Variants in STAT3 observed in about 807,000 individuals in gnomAD.
The protein encoded by STAT3 is signal transducer and activator of transcription 3.
Under a neutral mutation model 114.3 loss-of-function variants are expected in STAT3, and 7 were observed. The ratio of observed to expected loss-of-function variants is 0.06; its 90% CI spans 0.03 to 0.11. The LOEUF is 0.11. Ranked by LOEUF, STAT3 falls within the 10% of genes least tolerant of loss-of-function variation. The pLI is 1.00. For missense variants in STAT3, 364 were observed against 960.9 expected (o/e 0.38, Z 8.21); for synonymous variants, 331 against 354.5 (o/e 0.93, Z 0.74).
intron 1 of STAT3, among the ~76,000 whole-genome samples, chr17:42,362,593 T>C (rs775120773): frequency 6.6e-6 from 1 of 152,252 alleles, no homozygotes; most frequent in Non-Finnish European, 1.5e-5. Flanking sequence ...TTCCACCACT[T>C]CGATCACTTA....
At chr17:42,326,245 T>C (rs1350114870) in intron 14 of STAT3, 46 bp from the exon 15 acceptor site, 1 of 1,568,758 alleles carries the variant, frequency 6.4e-7, no homozygotes, top group Non-Finnish European at 8.8e-7. Flanking sequence ...TGGTGGCTCA[T>C]GCCTGTAATC....
chr17:42,336,731 CTGA>C (rs1234622176), intron 8 of STAT3, among the ~76,000 whole-genome samples: 3 of 151,898 alleles, frequency 2.0e-5, no homozygotes, highest in African/African-American at 7.3e-5. Context: ...ACTAGTACTG[CTGA>C]TGATTTCATT....
At chr17:42,331,411 G>A (rs371529853) in intron 11 of STAT3, 61 bp downstream of exon 11, 53 of 1,431,310 alleles carry the variant, frequency 3.7e-5, no homozygotes, top group Non-Finnish European at 4.7e-5. Flanking sequence ...AATGATGTCT[G>A]TCAAAGTTCT....
At chr17:42,372,883 A>T (rs2084233696) in intron 1 of STAT3, among the ~76,000 whole-genome samples, 1 of 152,070 alleles carries the variant, frequency 6.6e-6, no homozygotes, top group African/African-American at 2.4e-5. Context: ...ATAGAAATAA[A>T]ATAAACTCAG....
At chr17:42,339,526 C>A in intron 4 of STAT3, 117 bp from the exon 5 acceptor site, 1 of 971,480 alleles carries the variant, frequency 1.0e-6, no homozygotes, top group Non-Finnish European at 1.6e-6. Flanking sequence ...ACGCTGCTGC[C>A]ATCACAAGAG....
intron 1 of STAT3, among the ~76,000 whole-genome samples, chr17:42,373,327 G>C (rs2084263557): frequency 6.6e-6 from 1 of 151,474 alleles, no homozygotes; most frequent in Admixed American, 6.6e-5. Context: ...TCCAGCCTGG[G>C]CAAAAAGAGT....
intron 1 of STAT3, among the ~76,000 whole-genome samples, chr17:42,359,304 G>C (rs2083393077): frequency 6.6e-6 from 1 of 152,110 alleles, no homozygotes; most frequent in Non-Finnish European, 1.5e-5. Flanking sequence ...AGATTCACTA[G>C]GGGTTAAGTG....
intron 1 of STAT3, among the ~76,000 whole-genome samples, chr17:42,378,672 AT>A (rs2084608953): frequency 6.6e-6 from 1 of 152,238 alleles, no homozygotes; most frequent in Admixed American, 6.5e-5. Flanking sequence ...AATATTTATT[AT>A]GTCTAAACCA....
At position 42,326,137 on chromosome 17, in the gene STAT3, T is replaced by C. The variant is rs778716670; in HGVS notation, c.1344A>G (p.Gln448=). Reference sequence around the variant, plus strand: ...TTACCTCTAGGTCAATCTTGAGGCCTTGGTGATACACCTCGGTCTCAAAGG... The same window carrying C: ...TTACCTCTAGGTCAATCTTGAGGCCCTGGTGATACACCTCGGTCTCAAAGG... ...LITFETEVYH[Q]GLKIDLETHS... is the part of the protein sequence containing the mutation. The change falls in exon 15 of 24, where the codon CAA becomes CAG. Residue 448 remains glutamine (Q), a synonymous_variant. Transcript: ENST00000264657. The C allele has an allele frequency of 6.2e-7, 1 of 1,614,036 alleles. No individual in the cohort carries two copies. Among genetic ancestry groups the C allele is most frequent in the South Asian group, 1.1e-5 (1 of 91,082 alleles).
At chr17:42,353,807 C>A (rs1179245981) in intron 1 of STAT3, among the ~76,000 whole-genome samples, 3 of 152,110 alleles carry the variant, frequency 2.0e-5, no homozygotes, top group African/African-American at 7.2e-5. Context: ...CTCCTGGCCT[C>A]AAGCGATCCT....
rs35099574 is a variant in STAT3 at position 42,358,933 on chromosome 17, C to CTTTTTTTTTTTTTTTT, written c.-23-10410_-23-10395dup. The stretch of plus-strand genomic sequence containing the variant: ...GTCTCCCTTTCATGGACATTTCTTA[C>CTTTTTTTTTTTTTTTT]TTTTTTTTTTTTTTTTTTTGAGATG... On this transcript the variant is annotated intron_variant, in intron 1 of 23. Transcript: ENST00000264657. Among the ~76,000 whole-genome samples, 57 of 100,448 alleles carry CTTTTTTTTTTTTTTTT rather than the reference C, an allele frequency of 5.7e-4. 1 individual carries two copies. The highest frequency in any genetic ancestry group is 7.8e-4 in the African/African-American group (20 of 25,508). 65.9% of individuals were successfully genotyped at this position (100,448 alleles called of 152,430 possible).
chr17:42,357,110 G>T (rs1360576805), intron 1 of STAT3, among the ~76,000 whole-genome samples: 1 of 152,048 alleles, frequency 6.6e-6, no homozygotes, highest in Non-Finnish European at 1.5e-5. Context: ...TTTATTTAAA[G>T]CGCATAAAAG....
Position 42,337,781 on chromosome 17 carries a change from C to G in STAT3, c.627G>C (p.Ala209=), listed in dbSNP as rs759225787. ...CCCTTACTCTCCGCATCTGGTCCAG[C>G]GCAGTGAGCATCTGTTCCAGCTGCT... ...KMQQLEQMLT[A]LDQMRRSIVS... Residue 209 remains alanine, a synonymous_variant, in exon 7 of 24, where the codon GCG becomes GCC. Coordinates refer to ENST00000264657, the MANE Select transcript of STAT3 (RefSeq NM_139276.3). This position sits in a 1 kb window ranked among gnomAD's most constrained non-coding sequence, Gnocchi z 4.0. 1.9e-6 allele frequency: 3 copies of G among 1,614,116 alleles called. No individual in the cohort carries two copies. The African/African-American group carries it at 4.0e-5, about 22-fold the overall frequency.
At chr17:42,368,239 A>C (rs1182913361) in intron 1 of STAT3, among the ~76,000 whole-genome samples, 1 of 152,210 alleles carries the variant, frequency 6.6e-6, no homozygotes, top group Admixed American at 6.5e-5. Context: ...CATTTCCTAT[A>C]AAGTTAAACT....
Position 42,348,411 on chromosome 17 carries a change from G to C in STAT3, c.106C>G (p.Pro36Ala). Residue 36 changes from proline to alanine, a missense_variant, in exon 2 of 24, where the codon CCT becomes GCT. Pro to Ala is a conservative substitution (Grantham distance 27). Coordinates refer to ENST00000264657, the MANE Select transcript of STAT3 (RefSeq NM_139276.3). ...FPMELRQFLA[P>A]WIESQDWAYA... ...TACCAATCTTGACTCTCAATCCAAG[G>C]GGCCAGAAACTGCCGCAGCTCCATT... 6.2e-7 allele frequency: 1 copy of C among 1,614,026 alleles called. No individual in the cohort carries two copies. The highest frequency in any genetic ancestry group is 1.1e-5 in the South Asian group (1 of 91,078).
In STAT3 at chr17:42,316,852, C is replaced by T; in HGVS notation, c.2194G>A (p.Asp732Asn). 6.2e-7 allele frequency: 1 copy of T among 1,613,000 alleles called. No individual in the cohort carries two copies. The highest frequency in any genetic ancestry group is 8.5e-7 in the Non-Finnish European group (1 of 1,179,904). ...TTATTTCCAAACTGCATCAATGAAT[C>T]TAAAGTGCGGGGGGACATCGGCAGG... ...IDLPMSPRTL[D>N]SLMQFGNNGE... is the part of the protein sequence containing the mutation. Residue 732 changes from aspartate (D) to asparagine (N), a missense_variant, in exon 23 of 24, where the codon GAT (aspartate) becomes AAT (asparagine). Asp to Asn is a conservative substitution (Grantham distance 23). Around this residue, in one of 5 missense-constraint regions of STAT3, gnomAD observed 37 missense variants for 66.5 expected, o/e 0.56. Transcript: ENST00000264657.
chr17:42,385,708 C>T (rs983466798), intron 1 of STAT3, among the ~76,000 whole-genome samples: 1 of 152,090 alleles, frequency 6.6e-6, no homozygotes, highest in Non-Finnish European at 1.5e-5. Flanking sequence ...GATCAAGCCA[C>T]AATGCACTCT....
chr17:42,317,297 C>G, intron 21 of STAT3, 73 bp from the exon 22 acceptor site: 2 of 1,550,786 alleles, frequency 1.3e-6, no homozygotes, highest in East Asian at 2.3e-5. Flanking sequence ...AGGAAGCCAT[C>G]TGCCTCGGCA....
intron 20 of STAT3, 76 bp downstream of exon 20, chr17:42,322,928 T>A: frequency 6.2e-7 from 1 of 1,607,880 alleles, no homozygotes; most frequent in Non-Finnish European, 8.5e-7. Context: ...CAGGGGGCAG[T>A]AGGTGCTTGC....
Sources: allele counts gnomAD v4.1 joint callset (sites outside exome capture counted in the v4.1 genomes callset), GRCh38; gene constraint gnomAD v4.1.1; regional missense constraint gnomAD v4.1.1; non-coding constraint Gnocchi (gnomAD v3.1); transcripts MANE v1.5; gene names NCBI Gene and HGNC (gene_info 2026-07-23, HGNC 2026-07-21).